CTBP2: variants seen among roughly 807,000 people sequenced by gnomAD.
CTBP2 encodes the protein C-terminal-binding protein 2.
A neutral mutation model predicts 80.3 loss-of-function variants in CTBP2; 30 were observed. The observed-to-expected ratio is 0.37, with a 90% CI of 0.28 to 0.51. The LOEUF is 0.51. Ranked by LOEUF, CTBP2 falls within the 20% of genes least tolerant of loss-of-function variation. The probability of loss-of-function intolerance (pLI) is 0.93; values close to 1 mark genes in which losing one functional copy is unlikely to be tolerated. For missense variants in CTBP2, 1,212 were observed against 1,375.3 expected, an observed-to-expected ratio of 0.88 and a Z score of 1.88; for synonymous variants, 594 against 587.4, an observed-to-expected ratio of 1.01 and a Z score of -0.16.
chr10:125,042,419 A>G (rs553616055), intron 2 of CTBP2, among the ~76,000 whole-genome samples: 1 of 152,278 alleles, frequency 6.6e-6, no homozygotes, highest in East Asian at 1.9e-4. Flanking sequence ...CTCCACTCAT[A>G]AATCAATTTT....
chr10:125,042,644 G>A (rs533184282), intron 2 of CTBP2, among the ~76,000 whole-genome samples: 1 of 152,238 alleles, frequency 6.6e-6, no homozygotes, highest in Non-Finnish European at 1.5e-5. Flanking sequence ...GGATGTCACT[G>A]TGATGTCCCA....
At chr10:125,100,328 T>G (rs1850419825) in intron 2 of CTBP2, among the ~76,000 whole-genome samples, 1 of 152,226 alleles carries the variant, frequency 6.6e-6, no homozygotes, top group African/African-American at 2.4e-5. Flanking sequence ...ATTTATTTAG[T>G]AACCAAAGCT....
intron 3 of CTBP2, 91 bp from the exon 6 acceptor site, chr10:124,998,261 G>A: frequency 7.0e-7 from 1 of 1,421,256 alleles, no homozygotes; most frequent in South Asian, 1.3e-5. Flanking sequence ...CTGAGACTCG[G>A]TTGTTGGCAC....
Position 125,027,934 on chromosome 10 carries a change from T to G in CTBP2, c.-175A>C. 7.1e-7 allele frequency: 1 copy of G among 1,415,380 alleles called. No homozygotes were observed. Among genetic ancestry groups the G allele is most frequent in the East Asian group, 2.6e-5 (1 of 39,116 alleles). 87.7% of individuals were successfully genotyped at this position (1,415,380 alleles called of 1,614,324 possible). A position where few individuals can be genotyped will look rare whatever the true frequency, so the allele number is the denominator to read the frequency against. ...CTGAATTATTAATCCTCCGAAACCT[T>G]AGCAGACAAAACATAAGACTCACGG... is the stretch of plus-strand genomic sequence containing the variant. On this transcript the variant is annotated 5_prime_UTR_variant, in exon 1 of 9. Transcript: ENST00000309035.
intron 1 of CTBP2, among the ~76,000 whole-genome samples, chr10:125,111,949 A>C (rs943281579): frequency 4.6e-5 from 7 of 151,992 alleles, no homozygotes; most frequent in Non-Finnish European, 1.0e-4. Context: ...CCCATGTATG[A>C]AGGTAGTCTT....
chr10:125,059,253 G>A (rs1490182830), intron 2 of CTBP2, among the ~76,000 whole-genome samples: 3 of 152,104 alleles, frequency 2.0e-5, no homozygotes, highest in Non-Finnish European at 2.9e-5. Context: ...ATGAAGGTAC[G>A]TGAGGGGTAA....
At chr10:125,005,554 C>T (rs767082279) in intron 1 of CTBP2, 13 of 1,610,006 alleles carry the variant, frequency 8.1e-6, no homozygotes, top group Admixed American at 6.7e-5. Context: ...CACCAGCCCA[C>T]GACCTGTATG....
Position 124,987,948 on chromosome 10 carries a change from TTTTG to T in CTBP2, c.*1566_*1569del, listed in dbSNP as rs1336850620. 1.3e-5 allele frequency: 2 copies of T among 152,504 alleles called. No homozygotes were observed. Among genetic ancestry groups the T allele is most frequent in the African/African-American group, 4.8e-5 (2 of 41,452 alleles). The allele number at this position is 152,504 out of a possible 1,614,324, so 9.4% of individuals were successfully genotyped here. A position where few individuals can be genotyped will look rare whatever the true frequency, so the allele number is the denominator to read the frequency against. On this transcript the variant is annotated 3_prime_UTR_variant, in exon 9 of 9. Coordinates refer to ENST00000309035, the MANE Select transcript of CTBP2 (RefSeq NM_022802.3). ...TTGCAACACTTCTTTGTAAATATCATTTTGTTTGTTAGGTTATTGGCAAAACAGT... is the reference window on the plus strand; with the variant it reads ...TTGCAACACTTCTTTGTAAATATCATTTTGTTAGGTTATTGGCAAAACAGT...
At chr10:125,031,005 TAC>T (rs1958125264), upstream of CTBP2, among the ~76,000 whole-genome samples, 1 of 152,184 alleles carries the variant, frequency 6.6e-6, no homozygotes, top group African/African-American at 2.4e-5. Flanking sequence ...CAGTGCCCTC[TAC>T]GTCTCCCACA....
At chr10:125,134,716 C>A (rs1380467261) in intron 1 of CTBP2, among the ~76,000 whole-genome samples, 5 of 152,136 alleles carry the variant, frequency 3.3e-5, no homozygotes, top group African/African-American at 1.2e-4. Context: ...AAGCGCCCAG[C>A]ACCCTGGGCC....
At chr10:125,119,258 CT>C (rs1352496343) in intron 1 of CTBP2, among the ~76,000 whole-genome samples, 1 of 152,240 alleles carries the variant, frequency 6.6e-6, no homozygotes, top group East Asian at 1.9e-4. Context: ...GCAAGATCCC[CT>C]GACCAAAAGC....
At chr10:125,148,356 C>T (rs1345321628) in intron 1 of CTBP2, among the ~76,000 whole-genome samples, 4 of 152,170 alleles carry the variant, frequency 2.6e-5, no homozygotes, top group Non-Finnish European at 5.9e-5. Context: ...CAGCTACAGG[C>T]GTGACCAAAA....
At chr10:125,039,719 G>A (rs1484428316) in intron 2 of CTBP2, among the ~76,000 whole-genome samples, 6 of 152,224 alleles carry the variant, frequency 3.9e-5, no homozygotes, top group African/African-American at 1.4e-4. Context: ...AGCCCCAGCA[G>A]CTCCTAACCA....
rs1050963716 is a variant in CTBP2 at position 125,026,551 on chromosome 10, A to G, written c.1209T>C (p.Ala403=). ...GAGATGGTGCGCTGGAGGGACGGCG[A>G]GCCGGGTCTCCAGCTCGGGGGGATG... The change falls in exon 1 of 9, where the codon GCT becomes GCC. Residue 403 remains alanine, a synonymous_variant. Transcript: ENST00000309035. 6 of 1,563,450 alleles carry G rather than the reference A, an allele frequency of 3.8e-6. No individual in the cohort carries two copies. Among genetic ancestry groups the G allele is most frequent in the Non-Finnish European group, 5.2e-6 (6 of 1,156,168 alleles).
In CTBP2 at chr10:125,027,673, G is replaced by C; in HGVS notation, c.87C>G (p.Ala29=). Residue 29 remains alanine, a synonymous_variant, in exon 1 of 9, where the codon GCC becomes GCG. Coordinates refer to ENST00000309035, the MANE Select transcript of CTBP2 (RefSeq NM_022802.3). ...TCCTCCCCAGAGGCCGCAGGGACTC[G>C]GCGTTCTCCCAGGGGCCCTCGTACC... 5 of 1,613,996 alleles carry C rather than the reference G, an allele frequency of 3.1e-6. No homozygotes were observed. The highest frequency in any genetic ancestry group is 4.2e-6 in the Non-Finnish European group (5 of 1,179,998).
chr10:124,993,167 T>C (rs773205355), intron 7 of CTBP2, 35 bp downstream of exon 9: 23 of 1,577,620 alleles, frequency 1.5e-5, no homozygotes, highest in Non-Finnish European at 1.7e-5. Context: ...GAGCTGAGGC[T>C]GCCCTTGGCA....
chr10:125,023,071 G>A (rs372605160), intron 1 of CTBP2, among the ~76,000 whole-genome samples: 2 of 152,170 alleles, frequency 1.3e-5, no homozygotes, highest in African/African-American at 4.8e-5. Flanking sequence ...CTGGTGACAG[G>A]TAACTGTCAC....
At chr10:125,120,342 T>C (rs1216974928) in intron 1 of CTBP2, among the ~76,000 whole-genome samples, 1 of 152,228 alleles carries the variant, frequency 6.6e-6, no homozygotes, top group African/African-American at 2.4e-5. Context: ...CCACAGTCCC[T>C]GAAAAATTAC....
chr10:125,093,582 C>A (rs1421930072), intron 2 of CTBP2, among the ~76,000 whole-genome samples: 1 of 152,212 alleles, frequency 6.6e-6, no homozygotes, highest in Non-Finnish European at 1.5e-5. Context: ...GCCTTCCTGC[C>A]CATCACCCAG....
Sources: gnomAD v4.1 joint callset for allele counts (sites outside exome capture counted in the v4.1 genomes callset) on GRCh38, gnomAD v4.1.1 for gene constraint, MANE v1.5 for transcripts, NCBI Gene and HGNC (gene_info 2026-07-23, HGNC 2026-07-21) for gene names.